Variants in ZSWIM5 observed in about 807,000 individuals in gnomAD.
ZSWIM5 encodes zinc finger SWIM-type containing 5.
In ZSWIM5, 55 loss-of-function variants were observed where a neutral mutation model predicts 119.6. That is an observed-to-expected ratio of 0.46 (90% CI 0.37 to 0.58). The LOEUF (loss-of-function observed/expected upper bound fraction) is 0.58, where lower values mean the gene tolerates loss of function less well. Ranked by LOEUF, ZSWIM5 falls within the 20% of genes least tolerant of loss-of-function variation. The pLI, the probability that ZSWIM5 is intolerant of heterozygous loss-of-function variation, is 0.00. For missense variants in ZSWIM5, 1,193 were observed against 1,512.8 expected (o/e 0.79, Z 3.51); for synonymous variants, 537 against 606.9 (o/e 0.88, Z 1.69).
At chr1:45,185,035 C>T (rs1570196285) in intron 1 of ZSWIM5, among the ~76,000 whole-genome samples, 1 of 151,226 alleles carries the variant, frequency 6.6e-6, no homozygotes, top group African/African-American at 2.4e-5. Context: ...CAGAATGGTA[C>T]TGGTACCAAA....
chr1:45,094,037 ATT>A (rs1177163823), intron 1 of ZSWIM5, among the ~76,000 whole-genome samples: 38 of 144,876 alleles, frequency 2.6e-4, no homozygotes, highest in Admixed American at 2.6e-3. Flanking sequence ...TTATTTATTT[ATT>A]TATTTATTTA....
chr1:45,205,012 G>A (rs1646178700), intron 1 of ZSWIM5, among the ~76,000 whole-genome samples: 3 of 152,000 alleles, frequency 2.0e-5, no homozygotes, highest in Admixed American at 2.0e-4. Flanking sequence ...AAAGATAAAA[G>A]CAAATAGGAC....
intron 1 of ZSWIM5, among the ~76,000 whole-genome samples, chr1:45,184,558 A>G (rs1374305977): frequency 6.6e-6 from 1 of 152,234 alleles, no homozygotes; most frequent in Non-Finnish European, 1.5e-5. Context: ...AAGTCTCAGG[A>G]TACAAAATCA....
At chr1:45,133,571 T>C (rs1244127047) in intron 1 of ZSWIM5, among the ~76,000 whole-genome samples, 71 of 152,200 alleles carry the variant, frequency 4.7e-4, no homozygotes, top group Non-Finnish European at 7.3e-4. Flanking sequence ...GCCTGTTCAC[T>C]CTGATGGTAG....
intron 2 of ZSWIM5, among the ~76,000 whole-genome samples, chr1:45,081,862 A>C (rs1266208373): frequency 1.3e-4 from 19 of 151,824 alleles, no homozygotes; most frequent in African/African-American, 4.6e-4. Flanking sequence ...CCAGGATGAC[A>C]ATGGCGGCTT....
chr1:45,168,251 G>A (rs889688761), intron 1 of ZSWIM5, among the ~76,000 whole-genome samples: 25 of 151,992 alleles, frequency 1.6e-4, no homozygotes, highest in Admixed American at 3.9e-4. Context: ...CCGTGTTCTC[G>A]CTCACAGGTG....
rs548497538 is a variant in ZSWIM5, at chr1:45,051,152, G to C, written c.1354C>G (p.Pro452Ala). 1.3e-4 allele frequency: 202 copies of C among 1,614,058 alleles called. 1 individual carries two copies. The highest frequency in any genetic ancestry group is 2.0e-4 in the Admixed American group (12 of 60,000). ...LQKWSDLDVCPLEDGNYGHEL... is the reference protein window; with the variant it reads ...LQKWSDLDVCALEDGNYGHEL... ...TGTCCATAGTTTCCATCCTCCAGGGGACAGACATCCAGGTCGCTCCACTTC... is the reference window on the plus strand; with the variant it reads ...TGTCCATAGTTTCCATCCTCCAGGGCACAGACATCCAGGTCGCTCCACTTC... Residue 452 changes from proline to alanine, a missense_variant, in exon 5 of 14, where the codon CCC (proline) becomes GCC (alanine). Around this residue, in one of 2 missense-constraint regions of ZSWIM5, gnomAD observed 961 missense variants for 1,290.0 expected, o/e 0.74. Coordinates refer to ENST00000359600, the MANE Select transcript of ZSWIM5 (RefSeq NM_020883.2).
At chr1:45,022,137 T>C (rs1644891583) in intron 11 of ZSWIM5, among the ~76,000 whole-genome samples, 1 of 150,662 alleles carries the variant, frequency 6.6e-6, no homozygotes, top group Non-Finnish European at 1.5e-5. Context: ...TTATTTTATT[T>C]TATTTTTTTT....
chr1:45,036,902 G>A (rs559634674), intron 8 of ZSWIM5, among the ~76,000 whole-genome samples: 27 of 152,154 alleles, frequency 1.8e-4, no homozygotes, highest in Non-Finnish European at 2.9e-4. Context: ...GGGCTCAAGC[G>A]ACCCTCCCAC....
intron 1 of ZSWIM5, among the ~76,000 whole-genome samples, chr1:45,202,617 G>A (rs374990874): frequency 5.3e-5 from 8 of 152,054 alleles, no homozygotes; most frequent in South Asian, 4.1e-4. Flanking sequence ...GGATAAATAC[G>A]TACATAACTA....
intron 1 of ZSWIM5, among the ~76,000 whole-genome samples, chr1:45,138,983 C>T (rs1645707727): frequency 6.6e-6 from 1 of 151,524 alleles, no homozygotes; most frequent in Non-Finnish European, 1.5e-5. Flanking sequence ...CCTCCGCCTC[C>T]TGGGTTTAAG....
intron 2 of ZSWIM5, among the ~76,000 whole-genome samples, chr1:45,069,108 A>G (rs1570053721): frequency 6.6e-6 from 1 of 151,934 alleles, no homozygotes; most frequent in South Asian, 2.1e-4. Flanking sequence ...CATCCCACCC[A>G]GTCAGAATCT....
At chr1:45,065,283 C>G (rs1365202735) in intron 2 of ZSWIM5, among the ~76,000 whole-genome samples, 1 of 152,116 alleles carries the variant, frequency 6.6e-6, no homozygotes, top group East Asian at 1.9e-4. Context: ...CAGCAGAGGG[C>G]AGAGATGGTT....
chr1:45,142,079 G>A (rs1327039835), intron 1 of ZSWIM5, among the ~76,000 whole-genome samples: 2 of 152,042 alleles, frequency 1.3e-5, no homozygotes, highest in Non-Finnish European at 2.9e-5. Flanking sequence ...CCATGGTTGT[G>A]CATGTCTGTG....
At chr1:45,112,586 G>A (rs542638508) in intron 1 of ZSWIM5, among the ~76,000 whole-genome samples, 2 of 152,276 alleles carry the variant, frequency 1.3e-5, no homozygotes, top group South Asian at 2.1e-4. Flanking sequence ...GATTAAAAAT[G>A]ACTCCTGATT....
chr1:45,134,355 A>C (rs924555368), intron 1 of ZSWIM5, among the ~76,000 whole-genome samples: 6 of 152,218 alleles, frequency 3.9e-5, no homozygotes, highest in African/African-American at 1.4e-4. Context: ...CATATAAAGC[A>C]ATTGTTTAAA....
chr1:45,018,960 TG>T lies in ZSWIM5; in HGVS notation c.3051del (p.Phe1017LeufsTer8). On this transcript the variant is annotated frameshift_variant, in exon 14 of 14. Transcript: ENST00000359600. LOFTEE classifies it high-confidence loss of function. This position sits in a 1 kb window ranked among gnomAD's most constrained non-coding sequence, Gnocchi z 6.7. ...MELRGYPLRA[F>X]KLASLAMSHL... ...TGGCTCATGGCCAATGAGGCCAGCT[TG>T]AAGGCACGTAGCGGGTAGCCACGGA... 2 of 1,614,192 alleles carry T rather than the reference TG, an allele frequency of 1.2e-6. No homozygotes were observed. Among genetic ancestry groups the T allele is most frequent in the Non-Finnish European group, 1.7e-6 (2 of 1,180,024 alleles).
chr1:45,090,251 A>G (rs1418183206), intron 1 of ZSWIM5, among the ~76,000 whole-genome samples: 2 of 152,230 alleles, frequency 1.3e-5, no homozygotes, highest in Non-Finnish European at 2.9e-5. Context: ...CATTCAGATT[A>G]ATTTCCAGAG....
At chr1:45,129,219 C>T (rs531957355) in intron 1 of ZSWIM5, among the ~76,000 whole-genome samples, 17 of 133,730 alleles carry the variant, frequency 1.3e-4, no homozygotes, top group South Asian at 2.3e-4. Context: ...AGCGCAATTG[C>T]GCAATCTCAG....
Sources: allele counts gnomAD v4.1 joint callset (sites outside exome capture counted in the v4.1 genomes callset), GRCh38; gene constraint gnomAD v4.1.1; regional missense constraint gnomAD v4.1.1; non-coding constraint Gnocchi (gnomAD v3.1); transcripts MANE v1.5; gene names NCBI Gene and HGNC (gene_info 2026-07-23, HGNC 2026-07-21).